Variants in KLF15 observed in about 807,000 individuals in gnomAD.
The protein encoded by KLF15 is KLF transcription factor 15.
Under a neutral mutation model 24.6 loss-of-function variants are expected in KLF15, and 4 were observed. The observed-to-expected ratio is 0.16, with a 90% confidence interval of 0.08 to 0.37. The LOEUF (loss-of-function observed/expected upper bound fraction) is 0.37. Among genes scored for constraint, KLF15 ranks in the 10% least tolerant of loss-of-function variants. The pLI is 1.00. For synonymous variants in KLF15, 246 were observed against 236.3 expected (o/e 1.04, Z -0.37); for missense variants, 496 against 560.6 (o/e 0.88, Z 1.16).
chr3:126,302,120 A>C, the KLF15 span, among the ~76,000 whole-genome samples: 2 of 152,196 alleles, frequency 1.3e-5, no homozygotes, highest in Non-Finnish European at 2.9e-5. Flanking sequence ...ATTTTAAAAA[A>C]TATCTTCCTT....
chr3:126,304,953 G>T, the KLF15 span, among the ~76,000 whole-genome samples: 1 of 152,228 alleles, frequency 6.6e-6, no homozygotes, highest in South Asian at 2.1e-4. Context: ...TGTCCAAGTA[G>T]AGTCTACCTT....
the KLF15 span, among the ~76,000 whole-genome samples, chr3:126,306,544 G>T: frequency 6.6e-6 from 1 of 152,202 alleles, no homozygotes; most frequent in African/African-American, 2.4e-5. Context: ...TCTGACTTTG[G>T]CATGAAATGG....
chr3:126,346,798 G>C (rs1179777408), intron 2 of KLF15, among the ~76,000 whole-genome samples: 1 of 152,186 alleles, frequency 6.6e-6, no homozygotes, highest in East Asian at 1.9e-4. Context: ...GGGGGATGTG[G>C]GAACCCGGTG....
At chr3:126,323,421 A>AACATATATAGT in the KLF15 span, among the ~76,000 whole-genome samples, 2 of 35,470 alleles carry the variant, frequency 5.6e-5, 1 homozygote, top group Non-Finnish European at 1.0e-4. Flanking sequence ...ATATATATAT[A>AACATATATAGT]TATATATATA....
chr3:126,350,249 A>G (rs2082572136), intron 2 of KLF15, among the ~76,000 whole-genome samples: 1 of 152,070 alleles, frequency 6.6e-6, no homozygotes, highest in Non-Finnish European at 1.5e-5. Flanking sequence ...TCCTCCTCTC[A>G]CAAGCAACCT....
intron 2 of KLF15, among the ~76,000 whole-genome samples, chr3:126,344,572 A>T (rs1016473551): frequency 6.6e-6 from 1 of 152,124 alleles, no homozygotes; most frequent in African/African-American, 2.4e-5. Context: ...TCAGGCCCTG[A>T]TGCTGGCTGC....
chr3:126,318,709 A>G, the KLF15 span, among the ~76,000 whole-genome samples: 1 of 152,138 alleles, frequency 6.6e-6, no homozygotes, highest in Non-Finnish European at 1.5e-5. Context: ...TTTATTTAGT[A>G]GACTTTATTT....
At chr3:126,309,932 C>CTA in the KLF15 span, among the ~76,000 whole-genome samples, 1 of 152,220 alleles carries the variant, frequency 6.6e-6, no homozygotes, top group Non-Finnish European at 1.5e-5. Context: ...TGGTATGGGA[C>CTA]TATAACCCTG....
the KLF15 span, among the ~76,000 whole-genome samples, chr3:126,336,044 T>A: frequency 7.4e-5 from 9 of 121,342 alleles, no homozygotes; most frequent in Admixed American, 3.4e-4. Context: ...AAGCTACCAA[T>A]GACTTTCTTC....
At chr3:126,299,531 C>T in the KLF15 span, among the ~76,000 whole-genome samples, 5 of 151,932 alleles carry the variant, frequency 3.3e-5, no homozygotes, top group Admixed American at 1.3e-4. Flanking sequence ...GGGCAGATCA[C>T]GAGGTCAGGA....
chr3:126,310,928 A>G, the KLF15 span, among the ~76,000 whole-genome samples: 1 of 151,790 alleles, frequency 6.6e-6, no homozygotes, highest in Non-Finnish European at 1.5e-5. Context: ...AACCATCTCC[A>G]CCCTGCTCTC....
chr3:126,311,435 A>G, the KLF15 span, among the ~76,000 whole-genome samples: 1 of 152,184 alleles, frequency 6.6e-6, no homozygotes, highest in Non-Finnish European at 1.5e-5. Context: ...CCCTCTGCAC[A>G]TAGGGTCATG....
chr3:126,319,749 T>C, the KLF15 span, among the ~76,000 whole-genome samples: 3 of 152,206 alleles, frequency 2.0e-5, no homozygotes, highest in African/African-American at 7.2e-5. Context: ...GTTATTTCTC[T>C]CCTTGGGAGC....
downstream of KLF15, among the ~76,000 whole-genome samples, chr3:126,340,683 C>T (rs2082473541): frequency 2.0e-5 from 3 of 152,206 alleles, no homozygotes; most frequent in South Asian, 6.2e-4. Context: ...AGCCTTCCAG[C>T]TTCCACCTCT....
chr3:126,327,504 A>G, the KLF15 span, among the ~76,000 whole-genome samples: 3 of 152,162 alleles, frequency 2.0e-5, no homozygotes, highest in African/African-American at 4.8e-5. Flanking sequence ...TGTGGGCCAC[A>G]GTGGGTGAGG....
At chr3:126,315,262 C>T in the KLF15 span, among the ~76,000 whole-genome samples, 1 of 152,156 alleles carries the variant, frequency 6.6e-6, no homozygotes, top group Non-Finnish European at 1.5e-5. Context: ...TCTGCAACAA[C>T]TCTAGCTCCG....
intron 2 of KLF15, among the ~76,000 whole-genome samples, chr3:126,346,148 A>G (rs946963480): frequency 6.6e-6 from 1 of 152,224 alleles, no homozygotes; most frequent in Non-Finnish European, 1.5e-5. Context: ...GTGCCCTGGC[A>G]GTCAAAGCTG....
the KLF15 span, among the ~76,000 whole-genome samples, chr3:126,308,635 T>A: frequency 1.4e-4 from 21 of 152,298 alleles, no homozygotes; most frequent in East Asian, 3.5e-3. Context: ...CGCGAAGGCC[T>A]CACAGGGGCA....
At chr3:126,320,462 T>A in the KLF15 span, among the ~76,000 whole-genome samples, 1 of 152,226 alleles carries the variant, frequency 6.6e-6, no homozygotes, top group South Asian at 2.1e-4. Flanking sequence ...TGTATCTGTA[T>A]AAATGCACAT....
Sources: allele counts gnomAD v4.1 joint callset (sites outside exome capture counted in the v4.1 genomes callset), GRCh38; gene constraint gnomAD v4.1.1; transcripts MANE v1.5; gene names NCBI Gene and HGNC (gene_info 2026-07-23, HGNC 2026-07-21).